SUV39H2: variants seen among roughly 807,000 people sequenced by gnomAD.
SUV39H2 encodes the protein SUV39H2 histone lysine methyltransferase.
In SUV39H2, 10 loss-of-function variants were observed where a neutral mutation model predicts 47.5. The ratio of observed to expected loss-of-function variants is 0.21; its 90% CI spans 0.13 to 0.36. The LOEUF (loss-of-function observed/expected upper bound fraction) is 0.36, where lower values mean the gene tolerates loss of function less well. SUV39H2 is among the 10% of genes least tolerant of loss of function. SUV39H2 has a pLI of 1.00. For synonymous variants in SUV39H2, 159 were observed against 166.8 expected, an observed-to-expected ratio of 0.95 and a Z score of 0.36; for missense variants, 266 against 487.4, an observed-to-expected ratio of 0.55 and a Z score of 4.28.
At chr10:14,886,126 G>T (rs1003116697) in intron 2 of SUV39H2, among the ~76,000 whole-genome samples, 2 of 152,214 alleles carry the variant, frequency 1.3e-5, no homozygotes, top group Non-Finnish European at 2.9e-5. Context: ...GCTAGGCACT[G>T]TTCTAAGCAT....
chr10:14,898,154 G>A (rs983486566), intron 3 of SUV39H2: 3 of 134,014 alleles, frequency 2.2e-5, no homozygotes, highest in African/African-American at 5.6e-5. Flanking sequence ...AGCACTTGAT[G>A]TATTAATTCA....
Position 14,897,042 on chromosome 10 carries a change from A to C in SUV39H2, c.374A>C (p.Glu125Ala). The C allele has an allele frequency of 6.2e-7, 1 of 1,614,166 alleles. No homozygotes were observed. The highest frequency in any genetic ancestry group is 8.5e-7 in the Non-Finnish European group (1 of 1,180,042). Residue 125 changes from glutamate (E) to alanine (A), a missense_variant, in exon 3 of 6, where the codon GAG becomes GCG. Around this residue, in one of 4 missense-constraint regions of SUV39H2, gnomAD observed 91 missense variants for 110.9 expected, o/e 0.82. Coordinates refer to ENST00000354919, the MANE Select transcript of SUV39H2 (RefSeq NM_001193424.2). ...AAAACTTTGAAACCTGCCATTGCTG[A>C]GTACATTGTGAAGAAGGCTAAACAA... Reference protein sequence around the residue: ...NNKTLKPAIAEYIVKKAKQRI... With the variant: ...NNKTLKPAIAAYIVKKAKQRI...
chr10:14,897,168 C>A lies in SUV39H2; in HGVS notation c.500C>A (p.Ser167Ter). ...ACTGTTGATTTAGAGGGCCCACCTT[C>A]AGACTTCTATTACATTAACGAATAC... ...ENTVDLEGPP[S>*]DFYYINEYKP... Residue 167 changes from serine (S) to a stop codon, truncating the protein, a stop_gained, in exon 3 of 6, where the codon TCA becomes TAA. Coordinates refer to ENST00000354919, the MANE Select transcript of SUV39H2 (RefSeq NM_001193424.2). LOFTEE classifies it high-confidence loss of function. 1 of 1,613,782 alleles carries A rather than the reference C, an allele frequency of 6.2e-7. No individual in the cohort carries two copies. Among genetic ancestry groups the A allele is most frequent in the South Asian group, 1.1e-5 (1 of 91,058 alleles).
intron 2 of SUV39H2, among the ~76,000 whole-genome samples, chr10:14,886,618 A>G (rs145732374): frequency 1.7e-4 from 26 of 152,334 alleles, no homozygotes; most frequent in African/African-American, 6.3e-4. Flanking sequence ...TGATAGCAGC[A>G]TTCTGTTGAC....
At chr10:14,894,331 G>T (rs1588845022) in intron 2 of SUV39H2, among the ~76,000 whole-genome samples, 2 of 117,716 alleles carry the variant, frequency 1.7e-5, no homozygotes, top group Middle Eastern at 4.5e-3. Flanking sequence ...GAAAACTTTT[G>T]ACCAATTTTC....
intron 1 of SUV39H2, 81 bp downstream of exon 1, chr10:14,879,000 G>A (rs1439140921): frequency 1.3e-5 from 17 of 1,330,720 alleles, no homozygotes; most frequent in Non-Finnish European, 1.5e-5. Context: ...CGTCCCGCGG[G>A]CCAGCCAGAT....
At chr10:14,882,839 T>C (rs1049948415) in intron 2 of SUV39H2, among the ~76,000 whole-genome samples, 1 of 152,020 alleles carries the variant, frequency 6.6e-6, no homozygotes, top group Admixed American at 6.6e-5. Context: ...TTTTTCTTTT[T>C]TCTTCCTATC....
chr10:14,879,702 G>A (rs748012591), intron 1 of SUV39H2: 1 of 152,132 alleles, frequency 6.6e-6, no homozygotes, highest in Admixed American at 6.5e-5. Context: ...ATGTAAAGGT[G>A]TTTTCAAGCT....
intron 2 of SUV39H2, among the ~76,000 whole-genome samples, chr10:14,889,429 A>G (rs1564337484): frequency 1.3e-5 from 2 of 152,188 alleles, no homozygotes. Context: ...TATATCTCAG[A>G]GGAGGTTTAG....
chr10:14,894,127 C>T (rs1002004337), intron 2 of SUV39H2, among the ~76,000 whole-genome samples: 3 of 152,034 alleles, frequency 2.0e-5, no homozygotes, highest in African/African-American at 4.8e-5. Context: ...TACCCACTAA[C>T]AGCAGTCCTG....
intron 3 of SUV39H2, chr10:14,898,291 A>T (rs1833746143): frequency 7.0e-6 from 1 of 142,534 alleles, no homozygotes; most frequent in South Asian, 2.2e-4. Context: ...CCAAGGTCAC[A>T]CAGGTCACAT....
intron 2 of SUV39H2, among the ~76,000 whole-genome samples, chr10:14,887,457 A>G (rs992962908): frequency 2.6e-5 from 4 of 152,232 alleles, no homozygotes; most frequent in Non-Finnish European, 5.9e-5. Flanking sequence ...TACTTAAAAC[A>G]TACTCAACTT....
intron 5 of SUV39H2, among the ~76,000 whole-genome samples, chr10:14,901,799 C>T (rs1216543538): frequency 1.3e-5 from 2 of 151,762 alleles, no homozygotes; most frequent in Non-Finnish European, 2.9e-5. Context: ...CACCACTGCA[C>T]TCCAGCCTGG....
chr10:14,898,975 G>C lies in SUV39H2; in HGVS notation c.850-564G>C, dbSNP rs1043510758. The C allele has an allele frequency of 8.5e-6, 4 of 472,640 alleles. No homozygotes were observed. In the Admixed American group the frequency reaches 1.4e-4, roughly 17 times the overall value. The allele number at this position is 472,640 out of a possible 1,614,324, so 29.3% of individuals were successfully genotyped here. ...GAGAGCTATAGTTGTATAGCTTTTT[G>C]AACATCCTAATTATAATGAAAGTAA... On this transcript the variant is annotated intron_variant, in intron 3 of 5. Transcript: ENST00000354919.
chr10:14,883,681 G>A (rs1833113083), intron 2 of SUV39H2, among the ~76,000 whole-genome samples: 1 of 136,506 alleles, frequency 7.3e-6, no homozygotes, highest in African/African-American at 2.9e-5. Flanking sequence ...CTCCAGCCTG[G>A]GCAACAGAGC....
intron 2 of SUV39H2, among the ~76,000 whole-genome samples, chr10:14,883,158 C>A (rs953989655): frequency 6.6e-6 from 1 of 152,050 alleles, no homozygotes; most frequent in African/African-American, 2.4e-5. Flanking sequence ...TGAGCCACTG[C>A]ACCCCGCCAG....
chr10:14,881,253 A>C (rs1268417778), intron 1 of SUV39H2, among the ~76,000 whole-genome samples: 2 of 152,236 alleles, frequency 1.3e-5, no homozygotes, highest in Non-Finnish European at 2.9e-5. Context: ...GACTTAATGG[A>C]AATTAACTGA....
intron 2 of SUV39H2, among the ~76,000 whole-genome samples, chr10:14,888,572 G>T (rs1381041678): frequency 1.3e-5 from 2 of 151,870 alleles, no homozygotes; most frequent in African/African-American, 4.8e-5. Flanking sequence ...GGAGGCGGAG[G>T]TTGCAGTGAG....
At chr10:14,898,058 A>T (rs1833711860) in intron 3 of SUV39H2, 1 of 151,366 alleles carries the variant, frequency 6.6e-6, no homozygotes, top group African/African-American at 2.4e-5. Context: ...TACAAATACT[A>T]GCAAATTTAT....
Sources: allele counts gnomAD v4.1 joint callset (sites outside exome capture counted in the v4.1 genomes callset), GRCh38; gene constraint gnomAD v4.1.1; regional missense constraint gnomAD v4.1.1; transcripts MANE v1.5; gene names NCBI Gene and HGNC (gene_info 2026-07-23, HGNC 2026-07-21).